The following REEP5 variants were observed in gnomAD, a reference collection of about 807,000 sequenced individuals.
REEP5 encodes the protein receptor accessory protein 5.
Under a neutral mutation model 22.4 loss-of-function variants are expected in REEP5, and 24 were observed. The observed-to-expected ratio is 1.07, with a 90% confidence interval of 0.78 to 1.51. The LOEUF (loss-of-function observed/expected upper bound fraction) is 1.51, where lower values mean the gene tolerates loss of function less well. Among genes scored for constraint, REEP5 ranks in the 40% most tolerant of loss-of-function variants. The probability of loss-of-function intolerance (pLI) is 0.00; values close to 1 mark genes in which losing one functional copy is unlikely to be tolerated. For missense variants in REEP5, 252 were observed against 233.0 expected (o/e 1.08, Z -0.53); for synonymous variants, 103 against 88.6 (o/e 1.16, Z -0.92).
chr5:112,885,616 T>A (rs1768219499), intron 4 of REEP5: 1 of 280,832 alleles, frequency 3.6e-6, no homozygotes. Context: ...GTTCTTCAAA[T>A]GTCCTTCCCC....
intron 2 of REEP5, among the ~76,000 whole-genome samples, chr5:112,916,300 C>T (rs1006295165): frequency 1.3e-5 from 2 of 152,128 alleles, no homozygotes; most frequent in African/African-American, 4.8e-5. Context: ...TCTGATCTGA[C>T]CTCGATAGGG....
At chr5:112,884,567 G>T (rs1229974066) in intron 4 of REEP5, among the ~76,000 whole-genome samples, 3 of 151,736 alleles carry the variant, frequency 2.0e-5, no homozygotes, top group African/African-American at 7.3e-5. Context: ...TGTAGAGAGC[G>T]GGTCTCCATA....
chr5:112,901,800 T>G (rs1768853757), intron 3 of REEP5, among the ~76,000 whole-genome samples: 1 of 149,344 alleles, frequency 6.7e-6, no homozygotes, highest in Non-Finnish European at 1.5e-5. Context: ...CTGTCTCTAC[T>G]AAAAATACAA....
intron 4 of REEP5, chr5:112,885,483 C>T: frequency 5.1e-6 from 1 of 195,950 alleles, no homozygotes. Flanking sequence ...CTATTTGATG[C>T]TTGACATCCC....
At position 112,914,459 on chromosome 5, in the gene REEP5, A is replaced by C. The variant is rs150535191; in HGVS notation, c.212+6704T>G. On this transcript the variant is annotated intron_variant, in intron 2 of 4. Coordinates refer to ENST00000379638, the MANE Select transcript of REEP5 (RefSeq NM_005669.5). Reference sequence around the variant, plus strand: ...TGCCATGTTGTCCAGGCTGGTCTCAAACTCAAGCAATCCACCCATCTCAGC... The same window carrying C: ...TGCCATGTTGTCCAGGCTGGTCTCACACTCAAGCAATCCACCCATCTCAGC... Among the ~76,000 whole-genome samples, 1,102 of 152,060 alleles carry C rather than the reference A, an allele frequency of 7.2e-3. 17 individuals carry two copies. Among genetic ancestry groups the C allele is most frequent in the African/African-American group, 0.025 (1,032 of 41,498 alleles).
chr5:112,908,683 G>A (rs1380746613), intron 2 of REEP5, among the ~76,000 whole-genome samples: 1 of 151,250 alleles, frequency 6.6e-6, no homozygotes, highest in Non-Finnish European at 1.5e-5. Flanking sequence ...CCACGACAGC[G>A]CCCACGACCA....
intron 2 of REEP5, among the ~76,000 whole-genome samples, chr5:112,913,786 T>G (rs1374348610): frequency 6.6e-6 from 1 of 152,204 alleles, no homozygotes; most frequent in East Asian, 1.9e-4. Context: ...AACACACCTG[T>G]GACCTATGTC....
intron 2 of REEP5, among the ~76,000 whole-genome samples, chr5:112,907,735 G>GT (rs1177938409): frequency 3.3e-5 from 5 of 152,146 alleles, no homozygotes; most frequent in African/African-American, 1.2e-4. Flanking sequence ...AAACTAGAAG[G>GT]TTACAGAGCA....
chr5:112,916,279 T>G (rs1769231004), intron 2 of REEP5, among the ~76,000 whole-genome samples: 1 of 152,232 alleles, frequency 6.6e-6, no homozygotes, highest in Admixed American at 6.5e-5. Context: ...TTAACCTTCT[T>G]GCCATCCCTT....
At chr5:112,909,460 G>T (rs1769042189) in intron 2 of REEP5, among the ~76,000 whole-genome samples, 1 of 151,600 alleles carries the variant, frequency 6.6e-6, no homozygotes, top group Non-Finnish European at 1.5e-5. Context: ...GGCTAATAAG[G>T]CTAAAAGGAG....
intron 2 of REEP5, among the ~76,000 whole-genome samples, chr5:112,908,030 TAAA>T (rs971825110): frequency 6.7e-6 from 1 of 150,300 alleles, no homozygotes; most frequent in Non-Finnish European, 1.5e-5. Flanking sequence ...TAAAATTGAT[TAAA>T]AAAAGAAGGG....
chr5:112,881,921 C>T (rs1361544574), intron 4 of REEP5: 1 of 145,408 alleles, frequency 6.9e-6, no homozygotes, highest in Non-Finnish European at 1.5e-5. Flanking sequence ...CGCATCACCA[C>T]ATCTGGCTAA....
In REEP5 at chr5:112,878,960, G is replaced by A. The variant is rs186866097; in HGVS notation, c.521-125C>T. 7.8e-3 allele frequency: 11,354 copies of A among 1,451,038 alleles called. 58 individuals carry two copies. The highest frequency in any genetic ancestry group is 8.9e-3 in the Non-Finnish European group (9,435 of 1,055,454). The allele number at this position is 1,451,038 out of a possible 1,614,324, so 89.9% of individuals were successfully genotyped here. On this transcript the variant is annotated intron_variant, in intron 4 of 4. Transcript: ENST00000379638. ...ACTTGGATGACTCATGTTCAGGTGC[G>A]ATCATGTTGGGGTTTGTGGTCTGGG...
At chr5:112,908,582 G>T (rs1769018489) in intron 2 of REEP5, among the ~76,000 whole-genome samples, 1 of 151,888 alleles carries the variant, frequency 6.6e-6, no homozygotes, top group Admixed American at 6.6e-5. Flanking sequence ...CTGGAGTGCA[G>T]TGGCGCGATC....
At chr5:112,881,465 C>T (rs151261979) in intron 4 of REEP5, among the ~76,000 whole-genome samples, 2 of 152,316 alleles carry the variant, frequency 1.3e-5, no homozygotes, top group East Asian at 3.9e-4. Flanking sequence ...CTGGCAAAAT[C>T]TATATCCTCA....
chr5:112,901,604 C>T (rs553439420), intron 3 of REEP5, among the ~76,000 whole-genome samples: 100 of 151,952 alleles, frequency 6.6e-4, no homozygotes, highest in African/African-American at 2.2e-3. Context: ...CCCAGCTACT[C>T]GGGAGGCTGA....
At chr5:112,898,056 C>T (rs1173987808) in intron 3 of REEP5, 1 of 152,184 alleles carries the variant, frequency 6.6e-6, no homozygotes, top group Non-Finnish European at 1.5e-5. Flanking sequence ...AACACTCTGT[C>T]CCAAAAAACA....
chr5:112,895,237 C>CAAAAAAAAAAAAAAAAAAAAAAAA (rs10684553), intron 3 of REEP5: 2 of 62,216 alleles, frequency 3.2e-5, no homozygotes, highest in African/African-American at 1.4e-4. Context: ...GACTCTGTCT[C>CAAAAAAAAAAAAAAAAAAAAAAAA]AAAAAAAAAA....
chr5:112,918,143 G>C (rs552371296), intron 2 of REEP5, among the ~76,000 whole-genome samples: 5 of 152,250 alleles, frequency 3.3e-5, no homozygotes, highest in Admixed American at 3.3e-4. Flanking sequence ...ATTAGATTCC[G>C]AATTGCCTAT....
Sources: allele counts gnomAD v4.1 joint callset (sites outside exome capture counted in the v4.1 genomes callset), GRCh38; gene constraint gnomAD v4.1.1; transcripts MANE v1.5; gene names NCBI Gene and HGNC (gene_info 2026-07-23, HGNC 2026-07-21).